ANO10: variants seen among roughly 807,000 people sequenced by gnomAD.
ANO10 encodes anoctamin 10, also known as anoctamin-10.
A neutral mutation model predicts 74.7 loss-of-function variants in ANO10; 77 were observed. That is an observed-to-expected ratio of 1.03 (90% CI 0.86 to 1.25). The LOEUF (loss-of-function observed/expected upper bound fraction) is 1.25. Among genes scored for constraint, ANO10 ranks in the 50% most tolerant of loss-of-function variants. The pLI is 0.00. For missense variants in ANO10, 721 were observed against 778.1 expected (o/e 0.93, Z 0.87); for synonymous variants, 279 against 284.9 (o/e 0.98, Z 0.21).
At chr3:43,389,852 G>C (rs763139023) in intron 12 of ANO10, among the ~76,000 whole-genome samples, 1 of 152,134 alleles carries the variant, frequency 6.6e-6, no homozygotes, top group Non-Finnish European at 1.5e-5. Flanking sequence ...TGCGTGTTCC[G>C]GGCTGGGAGG....
At chr3:43,448,309 C>G (rs763611710) in intron 11 of ANO10, among the ~76,000 whole-genome samples, 11 of 151,688 alleles carry the variant, frequency 7.3e-5, no homozygotes, top group Non-Finnish European at 1.5e-4. Context: ...CTAAAAACCC[C>G]TGTGGTTCAC....
intron 11 of ANO10, among the ~76,000 whole-genome samples, chr3:43,509,536 A>G (rs1465312030): frequency 6.6e-6 from 1 of 152,224 alleles, no homozygotes; most frequent in African/African-American, 2.4e-5. Flanking sequence ...AATAAAAATT[A>G]GTGATAGCAC....
intron 11 of ANO10, among the ~76,000 whole-genome samples, chr3:43,528,051 C>G (rs940473838): frequency 1.3e-5 from 2 of 151,902 alleles, no homozygotes; most frequent in African/African-American, 4.8e-5. Flanking sequence ...CTCTCACTAC[C>G]AAGAAGATAC....
rs1365761878 is a variant in ANO10 at position 43,540,349 on chromosome 3, G to C, written c.1797+9371C>G. Among the ~76,000 whole-genome samples the C allele has an allele frequency of 5.9e-5, 9 of 152,126 alleles. No individual in the cohort carries two copies. In the East Asian group the frequency reaches 1.5e-3, roughly 26 times the overall value. ...TATAAGACAATGTCTAAGATGCCCA[G>C]GTTTGTTTTCTTTAAAGGAGAGTGA... is the stretch of plus-strand genomic sequence containing the variant. On this transcript the variant is annotated intron_variant, in intron 11 of 12. Transcript: ENST00000292246.
chr3:43,387,361 G>A (rs768707922), intron 12 of ANO10, among the ~76,000 whole-genome samples: 2 of 152,152 alleles, frequency 1.3e-5, no homozygotes, highest in African/African-American at 2.4e-5. Context: ...AGCTGTAATT[G>A]CCCCTTATCA....
At chr3:43,593,600 C>T (rs2081922837) in intron 4 of ANO10, among the ~76,000 whole-genome samples, 1 of 152,172 alleles carries the variant, frequency 6.6e-6, no homozygotes, top group Non-Finnish European at 1.5e-5. Flanking sequence ...AAAAGGGCTC[C>T]TGAAGGAAGC....
At chr3:43,383,095 T>C (rs2092014273) in intron 12 of ANO10, among the ~76,000 whole-genome samples, 1 of 152,134 alleles carries the variant, frequency 6.6e-6, no homozygotes, top group Admixed American at 6.5e-5. Context: ...CCAATATCCC[T>C]GATGAACATA....
chr3:43,610,580 C>T (rs1015179162), intron 1 of ANO10, among the ~76,000 whole-genome samples: 4 of 152,180 alleles, frequency 2.6e-5, no homozygotes, highest in Admixed American at 6.5e-5. Context: ...GCAGGTGACA[C>T]GAATTTCTCA....
rs150990822 is a variant in ANO10, at chr3:43,482,657, G to T, written c.1798-49930C>A. Reference sequence around the variant, plus strand: ...CTACTTCTACTTCTCTCTAGCTTCTGAGGGGCTCTCTCTGAGTCCCAGACT... The same window carrying T: ...CTACTTCTACTTCTCTCTAGCTTCTTAGGGGCTCTCTCTGAGTCCCAGACT... On this transcript the variant is annotated intron_variant, in intron 11 of 12. Coordinates refer to ENST00000292246, the MANE Select transcript of ANO10 (RefSeq NM_018075.5). 2.5e-3 allele frequency among the ~76,000 whole-genome samples: 384 copies of T among 152,318 alleles called. 1 individual carries two copies. Among genetic ancestry groups the T allele is most frequent in the African/African-American group, 8.8e-3 (364 of 41,582 alleles).
At chr3:43,465,209 T>A (rs6770540) in intron 11 of ANO10, among the ~76,000 whole-genome samples, 140,237 of 152,248 alleles carry the variant, frequency 0.92, 64,869 homozygotes, top group Non-Finnish European at 0.97. Context: ...GTCAGCTGTC[T>A]TGCATCACTT....
At chr3:43,606,283 A>G (rs77821230) in intron 1 of ANO10, among the ~76,000 whole-genome samples, 2,573 of 152,306 alleles carry the variant, frequency 0.017, 65 homozygotes, top group African/African-American at 0.057. Flanking sequence ...AATAATGATG[A>G]AAAAACAGCC....
In ANO10 at chr3:43,639,990, C is replaced by T. The variant is rs1043091384; in HGVS notation, c.-11-34127G>A. Among the ~76,000 whole-genome samples, 6 of 152,068 alleles carry T rather than the reference C, an allele frequency of 3.9e-5. No homozygotes were observed. The Middle Eastern group carries it at 0.01, about 259-fold the overall frequency. On this transcript the variant is annotated intron_variant, in intron 1 of 3. Transcript: ENST00000413397. The stretch of plus-strand genomic sequence containing the variant: ...CCTAAGCAAGCCTAGTCCTGAGAGT[C>T]GGGGTTGCAGAAGATGTATGTTAGG...
At chr3:43,584,441 T>G (rs2081387716) in intron 4 of ANO10, among the ~76,000 whole-genome samples, 1 of 152,146 alleles carries the variant, frequency 6.6e-6, no homozygotes, top group Non-Finnish European at 1.5e-5. Flanking sequence ...AGAGTTAGGC[T>G]GCTGACCCTG....
chr3:43,504,459 C>T (rs572075531), intron 11 of ANO10, among the ~76,000 whole-genome samples: 78 of 151,972 alleles, frequency 5.1e-4, no homozygotes, highest in African/African-American at 1.8e-3. Context: ...ATGTAAATAA[C>T]AATTACGAAA....
At chr3:43,603,697 C>T (rs1559769343) in intron 2 of ANO10, among the ~76,000 whole-genome samples, 2 of 152,276 alleles carry the variant, frequency 1.3e-5, no homozygotes, top group South Asian at 4.1e-4. Flanking sequence ...AACAGAAGTT[C>T]TGAGGGCTTA....
intron 1 of ANO10, among the ~76,000 whole-genome samples, chr3:43,653,552 T>G (rs974891997): frequency 6.6e-6 from 1 of 152,244 alleles, no homozygotes; most frequent in Non-Finnish European, 1.5e-5. Context: ...CTTTGAATAA[T>G]CATCTTACTA....
At chr3:43,390,015 G>T (rs1338938794) in intron 12 of ANO10, among the ~76,000 whole-genome samples, 1 of 152,216 alleles carries the variant, frequency 6.6e-6, no homozygotes, top group African/African-American at 2.4e-5. Context: ...GTACAAATGT[G>T]CATCACCAAC....
At chr3:43,659,912 G>A (rs569822729) in intron 1 of ANO10, among the ~76,000 whole-genome samples, 8 of 152,312 alleles carry the variant, frequency 5.3e-5, no homozygotes, top group African/African-American at 1.9e-4. Context: ...TTGCTGTTCT[G>A]CAGCCTCTGC....
intron 7 of ANO10, among the ~76,000 whole-genome samples, chr3:43,570,551 T>G (rs2080648097): frequency 6.6e-6 from 1 of 152,176 alleles, no homozygotes; most frequent in African/African-American, 2.4e-5. Context: ...CTATCTGATC[T>G]TTGACAAACC....
Sources: allele counts gnomAD v4.1 joint callset (sites outside exome capture counted in the v4.1 genomes callset), GRCh38; gene constraint gnomAD v4.1.1; transcripts MANE v1.5; gene names NCBI Gene and HGNC (gene_info 2026-07-23, HGNC 2026-07-21).